Variants in CYP4F12 observed in about 807,000 individuals in gnomAD.
The protein encoded by CYP4F12 is cytochrome P450 4F12.
Under a neutral mutation model 56.5 loss-of-function variants are expected in CYP4F12, and 60 were observed. The ratio of observed to expected loss-of-function variants is 1.06; its 90% CI spans 0.86 to 1.32. CYP4F12 has a LOEUF of 1.32. Among genes scored for constraint, CYP4F12 ranks in the 40% most tolerant of loss-of-function variants. The pLI is 0.00. For missense variants in CYP4F12, 711 were observed against 683.5 expected (o/e 1.04, Z -0.45); for synonymous variants, 263 against 264.9 (o/e 0.99, Z 0.07).
At chr19:15,674,775 C>G (rs1425295590) in intron 2 of CYP4F12, among the ~76,000 whole-genome samples, 1 of 129,136 alleles carries the variant, frequency 7.7e-6, no homozygotes, top group Non-Finnish European at 1.7e-5. Context: ...CCTTTCTCAC[C>G]TCCCTGTCCT....
At chr19:15,696,869 G>T in intron 12 of CYP4F12, 39 bp from the exon 13 acceptor site, 2 of 1,578,660 alleles carry the variant, frequency 1.3e-6, no homozygotes, top group Middle Eastern at 2.2e-4. Context: ...CCCAAATGCG[G>T]GTCTTGGGCA....
chr19:15,696,338 C>T, intron 11 of CYP4F12, 92 bp from the exon 12 acceptor site: 1 of 1,608,764 alleles, frequency 6.2e-7, no homozygotes, highest in African/African-American at 1.3e-5. Context: ...GAAAATCCAA[C>T]ATCACCTCAC....
chr19:15,695,828 T>C, intron 9 of CYP4F12, 108 bp from the exon 10 acceptor site: 1 of 1,439,880 alleles, frequency 6.9e-7, no homozygotes. Context: ...TTGATCCCCG[T>C]GGAGTTTATT....
Position 15,695,924 on chromosome 19 carries a change from G to T in CYP4F12, c.1116-12G>T. On this transcript the variant is annotated splice_polypyrimidine_tract_variant and intron_variant, in intron 9 of 12. Transcript: ENST00000550308. ...TCCCTTGATAATGACTGGGGCTGGG[G>T]TGTTTCCTTAGGGACGACCTGGCCC... is the stretch of plus-strand genomic sequence containing the variant. 6.2e-7 allele frequency: 1 copy of T among 1,610,242 alleles called. No homozygotes were observed. Among genetic ancestry groups the T allele is most frequent in the Non-Finnish European group, 8.5e-7 (1 of 1,178,780 alleles).
Position 15,685,203 on chromosome 19 carries a change from T to C in CYP4F12, c.1115+6T>C. ...GATCCTAAAGAGATTGAATGGTGAGTGCAAGTTCTTCTGGCCTGTTCCTGA... is the reference window on the plus strand; with the variant it reads ...GATCCTAAAGAGATTGAATGGTGAGCGCAAGTTCTTCTGGCCTGTTCCTGA... On this transcript the variant is annotated splice_donor_region_variant and intron_variant, in intron 9 of 12. Transcript: ENST00000550308. 6.2e-7 allele frequency: 1 copy of C among 1,613,402 alleles called. No individual in the cohort carries two copies. Among genetic ancestry groups the C allele is most frequent in the South Asian group, 1.1e-5 (1 of 91,052 alleles).
At chr19:15,683,963 CATG>C (rs2007459153) in intron 7 of CYP4F12, 200 bp downstream of exon 7, 3 of 523,498 alleles carry the variant, frequency 5.7e-6, no homozygotes, top group Non-Finnish European at 6.3e-6. Context: ...CTGTGAGGAG[CATG>C]ATATTTTATT....
In CYP4F12 at chr19:15,677,990, C is replaced by G. The variant is rs200998778; in HGVS notation, c.199-271C>G. Among the ~76,000 whole-genome samples, 10 of 1,478 alleles carry G rather than the reference C, an allele frequency of 6.8e-3. 3 individuals carry two copies. Among genetic ancestry groups the G allele is most frequent in the African/African-American group, 0.015 (10 of 666 alleles). 1.0% of individuals were successfully genotyped at this position (1,478 alleles called of 152,430 possible). ...CCTCTCCTCACTCACTCATTCCTCT[C>G]CTCACTCACTCATTCCTCTCCTCAC... On this transcript the variant is annotated intron_variant, in intron 2 of 12. Transcript: ENST00000550308.
At position 15,682,430 on chromosome 19, in the gene CYP4F12, G is replaced by A; in HGVS notation, c.567G>A (p.Leu189=). Residue 189 remains leucine, a synonymous_variant, in exon 6 of 13, where the codon CTG becomes CTA. Coordinates refer to ENST00000550308, the MANE Select transcript of CYP4F12 (RefSeq NM_023944.4). ...QHLASEGSSR[L]DMFEHISLMT... Reference sequence around the variant, plus strand: ...TGGCCTCAGAGGGCAGCAGTCGTCTGGACATGTTTGAGCACATCAGCCTCA... The same window carrying A: ...TGGCCTCAGAGGGCAGCAGTCGTCTAGACATGTTTGAGCACATCAGCCTCA... 6.2e-7 allele frequency: 1 copy of A among 1,613,862 alleles called. No homozygotes were observed. Among genetic ancestry groups the A allele is most frequent in the Non-Finnish European group, 8.5e-7 (1 of 1,179,778 alleles).
In CYP4F12 at chr19:15,680,280, T is replaced by C. The variant is rs766890192; in HGVS notation, c.380T>C (p.Phe127Ser). 14 of 1,611,556 alleles carry C rather than the reference T, an allele frequency of 8.7e-6. No homozygotes were observed. The highest frequency in any genetic ancestry group is 1.2e-5 in the Non-Finnish European group (14 of 1,178,490). Residue 127 changes from phenylalanine (F) to serine (S), a missense_variant, in exon 4 of 13, where the codon TTC becomes TCC. Phe to Ser is a radical substitution (Grantham distance 155). Coordinates refer to ENST00000550308, the MANE Select transcript of CYP4F12 (RefSeq NM_023944.4). ...IAPKDNLFIRFLKPWLGEGIL... is the reference protein window; with the variant it reads ...IAPKDNLFIRSLKPWLGEGIL... ...CCCAAGGATAATCTCTTCATCAGGT[T>C]CCTGAAGCCCTGGCTGGGTGAGTAC...
At chr19:15,690,807 G>T (rs1206939347) in intron 9 of CYP4F12, among the ~76,000 whole-genome samples, 1 of 152,178 alleles carries the variant, frequency 6.6e-6, no homozygotes, top group Non-Finnish European at 1.5e-5. Context: ...TGACATTCCT[G>T]CTATCCCACC....
chr19:15,677,077 T>TCACTCATTCCAATACC, intron 2 of CYP4F12, among the ~76,000 whole-genome samples: 2 of 141,672 alleles, frequency 1.4e-5, no homozygotes, highest in Non-Finnish European at 1.6e-5. Context: ...CTGTCCTCAC[T>TCACTCATTCCAATACC]CACTCATTCC....
chr19:15,697,014 C>G lies in CYP4F12; in HGVS notation c.1504C>G (p.Leu502Val), dbSNP rs1480713171. ...AGACCACACTGAGCCCCGCAGGAAGCTGGAATTGATCATGCGCGCCGAGGG... is the reference window on the plus strand; with the variant it reads ...AGACCACACTGAGCCCCGCAGGAAGGTGGAATTGATCATGCGCGCCGAGGG... The part of the protein sequence containing the change: ...LPDHTEPRRK[L>V]ELIMRAEGGL... The change falls in exon 13 of 13, where the codon CTG (leucine) becomes GTG (valine). Residue 502 changes from leucine to valine, a missense_variant. Coordinates refer to ENST00000550308, the MANE Select transcript of CYP4F12 (RefSeq NM_023944.4). 6.2e-7 allele frequency: 1 copy of G among 1,614,124 alleles called. No individual in the cohort carries two copies. The highest frequency in any genetic ancestry group is 8.5e-7 in the Non-Finnish European group (1 of 1,180,042).
chr19:15,673,772 A>G lies in CYP4F12; in HGVS notation c.198+45A>G, dbSNP rs1021571771. The G allele has an allele frequency of 1.9e-6, 3 of 1,603,560 alleles. No homozygotes were observed. The African/African-American group carries it at 4.0e-5, about 21-fold the overall frequency. ...GTGTCTGGGGTCTCAGGGTGGATGGACTTCCAGAGGAGCAGGAATGGGGCT... is the reference window on the plus strand; with the variant it reads ...GTGTCTGGGGTCTCAGGGTGGATGGGCTTCCAGAGGAGCAGGAATGGGGCT... On this transcript the variant is annotated intron_variant, in intron 2 of 12. Coordinates refer to ENST00000550308, the MANE Select transcript of CYP4F12 (RefSeq NM_023944.4).
chr19:15,677,274 G>A (rs62640406), intron 2 of CYP4F12, among the ~76,000 whole-genome samples: 1 of 9,916 alleles, frequency 1.0e-4, no homozygotes, highest in South Asian at 4.5e-3. Flanking sequence ...TGCTCACTTA[G>A]TCATTCCTCT....
chr19:15,689,143 A>AATAATCATCATCATCATCATCATC (rs146012868), intron 9 of CYP4F12, among the ~76,000 whole-genome samples: 4 of 150,770 alleles, frequency 2.7e-5, no homozygotes, highest in South Asian at 4.2e-4. Context: ...TAATAATAAT[A>AATAATCATCATCATCATCATCATC]ATAGCCGACT....
chr19:15,681,865 T>C (rs2007318912), intron 5 of CYP4F12: 1 of 153,858 alleles, frequency 6.5e-6, no homozygotes, highest in Non-Finnish European at 1.4e-5. Context: ...TTACTCATCA[T>C]ATGCCTGAGA....
At chr19:15,693,745 A>G (rs1158554327) in intron 9 of CYP4F12, among the ~76,000 whole-genome samples, 2 of 150,364 alleles carry the variant, frequency 1.3e-5, no homozygotes. Context: ...TTGGTGTTTT[A>G]GACATGAAGT....
chr19:15,678,578 T>C, intron 3 of CYP4F12, 173 bp downstream of exon 3: 1 of 880,960 alleles, frequency 1.1e-6, no homozygotes, highest in East Asian at 2.7e-5. Context: ...CCACTGGGGC[T>C]CCAAGAGGCC....
intron 2 of CYP4F12, among the ~76,000 whole-genome samples, chr19:15,676,549 A>C (rs72620568): frequency 0.33 from 3,094 of 9,282 alleles, 1,239 homozygotes; most frequent in East Asian, 1. Flanking sequence ...ACTCATTCAT[A>C]TCCTCACTCA....
Sources: allele counts gnomAD v4.1 joint callset (sites outside exome capture counted in the v4.1 genomes callset), GRCh38; gene constraint gnomAD v4.1.1; transcripts MANE v1.5; gene names NCBI Gene and HGNC (gene_info 2026-07-23, HGNC 2026-07-21).